SYTL5: variants seen among roughly 807,000 people sequenced by gnomAD.
SYTL5 encodes the protein synaptotagmin-like protein 5.
SYTL5 carries 34 observed loss-of-function variants against 55.9 expected under a neutral mutation model. The ratio of observed to expected loss-of-function variants is 0.61; its 90% confidence interval spans 0.46 to 0.81. The LOEUF is 0.81. SYTL5 is among the 30% of genes least tolerant of loss of function. The probability of loss-of-function intolerance (pLI) is 0.00; values close to 1 mark genes in which losing one functional copy is unlikely to be tolerated. For missense variants in SYTL5, 637 were observed against 546.7 expected (o/e 1.17, Z -1.65); for synonymous variants, 221 against 188.7 (o/e 1.17, Z -1.40).
At chrX:37,899,382 C>T in the SYTL5 span, among the ~76,000 whole-genome samples, 1 of 111,043 alleles carries the variant, frequency 9.0e-6, no homozygotes, top group Admixed American at 9.6e-5. Context: ...CTACATAAAT[C>T]TTTGATATTT....
the SYTL5 span, among the ~76,000 whole-genome samples, chrX:37,978,274 A>G: frequency 9.0e-6 from 1 of 111,418 alleles, no homozygotes; most frequent in Non-Finnish European, 1.9e-5. Context: ...TGAGTGAGAG[A>G]GGCTATTAGA....
chrX:38,081,740 T>C (rs1362228072), intron 6 of SYTL5, among the ~76,000 whole-genome samples: 1 of 111,536 alleles, frequency 9.0e-6, no homozygotes, highest in East Asian at 2.8e-4. Context: ...TACCTCAGAG[T>C]TATCCAGTTA....
chrX:37,929,444 G>T, the SYTL5 span, among the ~76,000 whole-genome samples: 1 of 112,305 alleles, frequency 8.9e-6, no homozygotes, highest in African/African-American at 3.2e-5. Context: ...ATTACCCTCT[G>T]TTTACCACAA....
intron 3 of SYTL5, among the ~76,000 whole-genome samples, chrX:38,058,421 C>G (rs983202025): frequency 2.7e-5 from 3 of 111,110 alleles, no homozygotes; most frequent in African/African-American, 9.8e-5. Flanking sequence ...TTATTCTTTG[C>G]TATATCTCTA....
the SYTL5 span, among the ~76,000 whole-genome samples, chrX:37,941,649 C>A: frequency 0.027 from 3,008 of 111,523 alleles, 95 homozygotes; most frequent in African/African-American, 0.093. Flanking sequence ...GATAAAAACA[C>A]CCCAACTTCT....
At chrX:38,111,870 G>A (rs1005325330) in intron 13 of SYTL5, among the ~76,000 whole-genome samples, 1 of 111,998 alleles carries the variant, frequency 8.9e-6, no homozygotes, top group Non-Finnish European at 1.9e-5. Context: ...TCTGAAGAAG[G>A]GAACAATAGC....
chrX:38,043,863 A>T (rs2147254650), intron 2 of SYTL5, among the ~76,000 whole-genome samples: 1 of 108,281 alleles, frequency 9.2e-6, no homozygotes, highest in South Asian at 4.0e-4. Flanking sequence ...ATTTCATAAC[A>T]TAAGATTTTT....
chrX:37,893,616 CTA>C, the SYTL5 span, among the ~76,000 whole-genome samples: 2 of 64,488 alleles, frequency 3.1e-5, no homozygotes, highest in Non-Finnish European at 2.3e-5. Context: ...TATATACAAT[CTA>C]TATATAATCT....
At chrX:37,948,021 G>C in the SYTL5 span, among the ~76,000 whole-genome samples, 1 of 111,910 alleles carries the variant, frequency 8.9e-6, no homozygotes, top group African/African-American at 3.2e-5. Flanking sequence ...CAAATACACA[G>C]AGTTCCAAAT....
chrX:37,957,185 C>T, the SYTL5 span, among the ~76,000 whole-genome samples: 2 of 111,575 alleles, frequency 1.8e-5, no homozygotes, highest in Non-Finnish European at 3.8e-5. Context: ...TGTATATTCG[C>T]CCCTTATCAG....
At chrX:37,911,467 C>T in the SYTL5 span, among the ~76,000 whole-genome samples, 338 of 111,616 alleles carry the variant, frequency 3.0e-3, no homozygotes, top group Non-Finnish European at 5.2e-3. Flanking sequence ...TATTTTGCAG[C>T]TTGCTCTTCT....
chrX:38,007,797 A>G (rs182287324), intron 1 of SYTL5, among the ~76,000 whole-genome samples: 188 of 111,574 alleles, frequency 1.7e-3, no homozygotes, highest in Middle Eastern at 9.2e-3. Context: ...GTACATACCC[A>G]CATATACATG....
intron 3 of SYTL5, among the ~76,000 whole-genome samples, chrX:38,062,046 C>A (rs1935962563): frequency 9.0e-6 from 1 of 110,743 alleles, no homozygotes; most frequent in African/African-American, 3.3e-5. Flanking sequence ...CGACTCACTA[C>A]AGCCTCTGCC....
At chrX:37,993,313 A>G in the SYTL5 span, among the ~76,000 whole-genome samples, 1 of 112,336 alleles carries the variant, frequency 8.9e-6, no homozygotes, top group African/African-American at 3.2e-5. Flanking sequence ...TGAAACTAAA[A>G]TTAGAAAAAC....
the SYTL5 span, among the ~76,000 whole-genome samples, chrX:37,935,396 C>A: frequency 4.5e-4 from 51 of 112,124 alleles, no homozygotes; most frequent in African/African-American, 1.6e-3. Context: ...CTACTCAAAA[C>A]CATGTAAAGA....
the SYTL5 span, among the ~76,000 whole-genome samples, chrX:37,938,695 A>G: frequency 9.0e-6 from 1 of 110,743 alleles, no homozygotes; most frequent in African/African-American, 3.3e-5. Context: ...CCCTGTTTTA[A>G]ATATGTATTC....
At chrX:38,094,502 A>T in intron 8 of SYTL5, 78 bp downstream of exon 8, 1 of 1,035,752 alleles carries the variant, frequency 9.7e-7, no homozygotes, top group Non-Finnish European at 1.3e-6. Context: ...TGTGGTATTA[A>T]GTGGATGTTT....
At chrX:38,068,761 A>G (rs1160895210) in intron 3 of SYTL5, among the ~76,000 whole-genome samples, 1 of 110,908 alleles carries the variant, frequency 9.0e-6, no homozygotes, top group Non-Finnish European at 1.9e-5. Flanking sequence ...AACAATAGAT[A>G]CTGTGGACTC....
the SYTL5 span, chrX:37,994,550 G>A: frequency 1.5e-5 from 2 of 131,023 alleles, no homozygotes; most frequent in African/African-American, 6.4e-5. Context: ...TGGGCAAGGA[G>A]GTCAAGAACA....
Sources: allele counts gnomAD v4.1 joint callset (sites outside exome capture counted in the v4.1 genomes callset), GRCh38; gene constraint gnomAD v4.1.1; transcripts MANE v1.5; gene names NCBI Gene and HGNC (gene_info 2026-07-23, HGNC 2026-07-21).